Variants in TBCD observed in about 807,000 individuals in gnomAD.
TBCD encodes the protein tubulin-specific chaperone D.
A neutral mutation model predicts 169.3 loss-of-function variants in TBCD; 105 were observed. The observed-to-expected ratio is 0.62, with a 90% CI of 0.53 to 0.73. The LOEUF (loss-of-function observed/expected upper bound fraction) is 0.73, where lower values mean the gene tolerates loss of function less well. Among genes scored for constraint, TBCD ranks in the 30% least tolerant of loss-of-function variants. The pLI is 0.00. For missense variants in TBCD, 1,444 were observed against 1,600.1 expected (o/e 0.90, Z 1.66); for synonymous variants, 700 against 643.9 (o/e 1.09, Z -1.32).
chr17:82,752,996 C>T (rs1473105837), intron 1 of TBCD, among the ~76,000 whole-genome samples: 1 of 152,080 alleles, frequency 6.6e-6, no homozygotes, highest in African/African-American at 2.4e-5. Flanking sequence ...CCTGTGGAGG[C>T]CATTCGATGA....
At chr17:82,768,733 A>C (rs1377676624) in intron 5 of TBCD, among the ~76,000 whole-genome samples, 167 bp downstream of exon 5, 3 of 152,176 alleles carry the variant, frequency 2.0e-5, no homozygotes, top group East Asian at 3.8e-4. Flanking sequence ...GTGATAATTC[A>C]TGTAGGGGTC....
chr17:82,862,182 A>G (rs943323254), intron 13 of TBCD, among the ~76,000 whole-genome samples: 1 of 152,194 alleles, frequency 6.6e-6, no homozygotes, highest in African/African-American at 2.4e-5. Flanking sequence ...TCAGCCTCCC[A>G]AAGTGCTGGG....
chr17:82,906,192 C>T, intron 20 of TBCD, 139 bp downstream of exon 20: 1 of 681,728 alleles, frequency 1.5e-6, no homozygotes, highest in Non-Finnish European at 2.5e-6. Flanking sequence ...GTCGATAGGC[C>T]CCAGGTTGTA....
chr17:82,909,244 A>T, intron 21 of TBCD, 41 bp from the exon 22 acceptor site: 1 of 1,419,714 alleles, frequency 7.0e-7, no homozygotes, highest in Non-Finnish European at 9.7e-7. Context: ...TATTATTTTA[A>T]AATTTAAATC....
At chr17:82,847,171 G>A (rs368210265) in intron 13 of TBCD, among the ~76,000 whole-genome samples, 148 of 152,034 alleles carry the variant, frequency 9.7e-4, no homozygotes, top group Middle Eastern at 6.8e-3. Context: ...CTAACACAGT[G>A]AAACCCCGTC....
chr17:82,821,465 C>T (rs1394364228), intron 13 of TBCD, among the ~76,000 whole-genome samples: 1 of 152,284 alleles, frequency 6.6e-6, no homozygotes, highest in South Asian at 2.1e-4. Flanking sequence ...GATTTGAGGG[C>T]TGTGTTGGTG....
intron 6 of TBCD, among the ~76,000 whole-genome samples, chr17:82,774,357 G>C (rs1399522020): frequency 6.6e-6 from 1 of 152,170 alleles, no homozygotes; most frequent in Admixed American, 6.5e-5. Context: ...CAGAGAGCAC[G>C]GAGTTGGGGG....
At chr17:82,914,827 A>G (rs1255921510) in intron 23 of TBCD, among the ~76,000 whole-genome samples, 1 of 151,860 alleles carries the variant, frequency 6.6e-6, no homozygotes, top group African/African-American at 2.4e-5. Context: ...CTCCTCGTTC[A>G]TTTTTACACT....
rs2054459578 is a variant in TBCD, at chr17:82,840,963, T to TTG, written c.1318+26030_1318+26031insGT. On this transcript the variant is annotated intron_variant, in intron 13 of 38. Transcript: ENST00000355528. ...CAGGACAGACAAACTGGTTTTTTTT[T>TTG]TTTTTTTTTTTTTTTTTTTTGAGAC... Among the ~76,000 whole-genome samples the TTG allele has an allele frequency of 3.0e-5, 4 of 133,670 alleles. No individual in the cohort carries two copies. The East Asian group carries it at 8.7e-4, about 29-fold the overall frequency. 87.7% of individuals were successfully genotyped at this position (133,670 alleles called of 152,430 possible). A position where few individuals can be genotyped will look rare whatever the true frequency, so the allele number is the denominator to read the frequency against.
At chr17:82,837,694 G>T (rs144037476) in intron 13 of TBCD, among the ~76,000 whole-genome samples, 1 of 152,198 alleles carries the variant, frequency 6.6e-6, no homozygotes, top group Non-Finnish European at 1.5e-5. Context: ...GGCAGGAAGC[G>T]TTAGCAGGGT....
intron 9 of TBCD, among the ~76,000 whole-genome samples, chr17:82,804,999 C>T (rs1182996082): frequency 1.2e-4 from 19 of 152,248 alleles, no homozygotes; most frequent in Admixed American, 1.1e-3. Flanking sequence ...TCTCAGGCTA[C>T]AGCCGCAGCA....
intron 6 of TBCD, among the ~76,000 whole-genome samples, chr17:82,776,496 T>A (rs564193143): frequency 6.6e-5 from 10 of 152,366 alleles, no homozygotes; most frequent in Admixed American, 1.3e-4. Flanking sequence ...GTGTTTATCT[T>A]CTTTGCACCG....
rs369416847 is a variant in TBCD, at chr17:82,929,384, T to C, written c.2875T>C (p.Trp959Arg). The change falls in exon 32 of 39, where the codon TGG (tryptophan) becomes CGG (arginine). Residue 959 changes from tryptophan to arginine, a missense_variant. Coordinates refer to ENST00000355528, the MANE Select transcript of TBCD (RefSeq NM_005993.5). ...CAGGTCCGATGTGGCCTCCGTGAAC[T>C]GGAGTGCACCTTCCCAGGCCTTCCC... ...FPRSDVASVN[W>R]SAPSQAFPRI... 3.1e-6 allele frequency: 5 copies of C among 1,613,190 alleles called. No homozygotes were observed. Among genetic ancestry groups the C allele is most frequent in the Non-Finnish European group, 3.4e-6 (4 of 1,179,810 alleles).
rs1225145478 is a variant in TBCD at position 82,890,350 on chromosome 17, A to G, written c.1563+653A>G. ...GACCTGGGCGGGGAGCAAAGTTCCC[A>G]CGAGAAGTCAGCCGAGAAGGCTCTG... On this transcript the variant is annotated intron_variant, in intron 16 of 38. Coordinates refer to ENST00000355528, the MANE Select transcript of TBCD (RefSeq NM_005993.5). The surrounding 1 kb of genome is among the most constrained non-coding windows in gnomAD (Gnocchi z 5.3). Among the ~76,000 whole-genome samples the G allele has an allele frequency of 6.6e-6, 1 of 152,044 alleles. No homozygotes were observed. The highest frequency in any genetic ancestry group is 2.4e-5 in the African/African-American group (1 of 41,416).
chr17:82,850,513 TG>T (rs2055690296), intron 13 of TBCD, among the ~76,000 whole-genome samples: 1 of 103,680 alleles, frequency 9.6e-6, no homozygotes, highest in Non-Finnish European at 2.4e-5. Flanking sequence ...CTGTTGGCTG[TG>T]CTGTTGTTGG....
At chr17:82,767,426 G>A (rs1274712539) in intron 4 of TBCD, among the ~76,000 whole-genome samples, 1 of 151,968 alleles carries the variant, frequency 6.6e-6, no homozygotes, top group Non-Finnish European at 1.5e-5. Flanking sequence ...ATTAGAAGTT[G>A]ATAATTGTTT....
At chr17:82,753,983 T>A (rs1568083507) in intron 1 of TBCD, among the ~76,000 whole-genome samples, 1 of 150,358 alleles carries the variant, frequency 6.7e-6, no homozygotes, top group Non-Finnish European at 1.5e-5. Context: ...TTCAAGTGAT[T>A]CTCCTGCCTC....
At chr17:82,899,210 C>T (rs960303555) in intron 17 of TBCD, among the ~76,000 whole-genome samples, 31 of 142,844 alleles carry the variant, frequency 2.2e-4, no homozygotes, top group African/African-American at 7.5e-4. Flanking sequence ...GTCCGCAGTG[C>T]GTCCTCAGCA....
intron 35 of TBCD, 84 bp downstream of exon 35, chr17:82,937,444 C>A: frequency 8.2e-7 from 1 of 1,221,240 alleles, no homozygotes; most frequent in Non-Finnish European, 1.2e-6. Context: ...CGGCTCCAGG[C>A]GGGAGAGGAG....
Sources: gnomAD v4.1 joint callset for allele counts (sites outside exome capture counted in the v4.1 genomes callset) on GRCh38, gnomAD v4.1.1 for gene constraint, Gnocchi (gnomAD v3.1) non-coding constraint, MANE v1.5 for transcripts, NCBI Gene and HGNC (gene_info 2026-07-23, HGNC 2026-07-21) for gene names.